Variants in UTRN observed in about 807,000 individuals in gnomAD.
UTRN encodes utrophin.
Under a neutral mutation model 463.9 loss-of-function variants are expected in UTRN, and 283 were observed. The observed-to-expected ratio is 0.61, with a 90% CI of 0.55 to 0.67. The LOEUF (loss-of-function observed/expected upper bound fraction) is 0.67, where lower values mean the gene tolerates loss of function less well. Ranked by LOEUF, UTRN falls within the 30% of genes least tolerant of loss-of-function variation. UTRN has a pLI of 0.00. For synonymous variants in UTRN, 1,442 were observed against 1,431.5 expected (o/e 1.01, Z -0.17); for missense variants, 3,922 against 4,084.3 (o/e 0.96, Z 1.08).
At chr6:144,469,857 C>A (rs990928929) in intron 23 of UTRN, among the ~76,000 whole-genome samples, 4 of 151,926 alleles carry the variant, frequency 2.6e-5, no homozygotes, top group African/African-American at 9.7e-5. Flanking sequence ...CCGCCTTCCG[C>A]AGTGTTTGTG....
Position 144,474,662 on chromosome 6 carries a change from A to G in UTRN, c.3239A>G (p.Glu1080Gly), listed in dbSNP as rs1009779779. 4.3e-6 allele frequency: 7 copies of G among 1,613,938 alleles called. No individual in the cohort carries two copies. The Admixed American group carries it at 5.0e-5, about 12-fold the overall frequency. The change falls in exon 25 of 75, where the codon GAG (glutamate) becomes GGG (glycine). Residue 1080 changes from glutamate (E) to glycine (G), a missense_variant. Glu to Gly is a moderately conservative substitution (Grantham distance 98). Transcript: ENST00000367545. ...TCTCTGAAAAACATGAAGGAAATAG[A>G]GACTAATCTTCGAAGTGGTCCAGTT... ...ESSLKNMKEI[E>G]TNLRSGPVAG...
chr6:144,773,645 T>C (rs1308060906), intron 59 of UTRN, among the ~76,000 whole-genome samples: 1 of 152,236 alleles, frequency 6.6e-6, no homozygotes, highest in East Asian at 1.9e-4. Context: ...GAGTGAGGAA[T>C]GGATGACTGC....
chr6:144,826,696 C>T (rs776838989), intron 66 of UTRN, among the ~76,000 whole-genome samples: 13 of 151,816 alleles, frequency 8.6e-5, no homozygotes, highest in Non-Finnish European at 1.5e-4. Context: ...TTCTAAAAAA[C>T]TTTTTTTTGA....
chr6:144,659,037 CT>C (rs770627647), intron 51 of UTRN, among the ~76,000 whole-genome samples: 1 of 152,210 alleles, frequency 6.6e-6, no homozygotes, highest in East Asian at 1.9e-4. Flanking sequence ...GATCGAAACA[CT>C]TTAAAACTAT....
intron 52 of UTRN, among the ~76,000 whole-genome samples, chr6:144,689,813 G>A (rs1783137071): frequency 6.6e-6 from 1 of 151,970 alleles, no homozygotes; most frequent in South Asian, 2.1e-4. Context: ...GCAGACTCAG[G>A]GCCTCCTGGT....
chr6:144,550,384 A>T (rs1798795972), intron 47 of UTRN, among the ~76,000 whole-genome samples: 2 of 152,284 alleles, frequency 1.3e-5, no homozygotes, highest in African/African-American at 4.8e-5. Flanking sequence ...GACTGTCATT[A>T]GTTCTGTACT....
intron 23 of UTRN, among the ~76,000 whole-genome samples, chr6:144,469,751 G>T (rs1280545728): frequency 6.8e-6 from 1 of 147,606 alleles, no homozygotes. Flanking sequence ...TTCTCGGAGA[G>T]GGGGATTTGG....
At chr6:144,771,321 C>T (rs1465669908) in intron 58 of UTRN, among the ~76,000 whole-genome samples, 3 of 152,122 alleles carry the variant, frequency 2.0e-5, no homozygotes, top group Non-Finnish European at 2.9e-5. Flanking sequence ...GATGAGGTCT[C>T]GCTATGTTGC....
rs762897749 is a variant in UTRN at position 144,548,799 on chromosome 6, A to G, written c.6755A>G (p.Asn2252Ser). The G allele has an allele frequency of 5.6e-6, 9 of 1,613,958 alleles. No homozygotes were observed. The highest frequency in any genetic ancestry group is 1.1e-5 in the South Asian group (1 of 91,082). ...TTAATCGACCAGATGCTGAAGTCCAACATTGTCACTGTTGGGGATGTAGAA... is the reference window on the plus strand; with the variant it reads ...TTAATCGACCAGATGCTGAAGTCCAGCATTGTCACTGTTGGGGATGTAGAA... ...LVLIDQMLKS[N>S]IVTVGDVEEI... Residue 2252 changes from asparagine to serine, a missense_variant, in exon 47 of 75, where the codon AAC (asparagine) becomes AGC (serine). Coordinates refer to ENST00000367545, the MANE Select transcript of UTRN (RefSeq NM_007124.3).
Position 144,736,410 on chromosome 6 carries a change from A to G in UTRN, c.7939+5924A>G, listed in dbSNP as rs555875685. Among the ~76,000 whole-genome samples, 41 of 152,318 alleles carry G rather than the reference A, an allele frequency of 2.7e-4. 1 individual carries two copies. In the South Asian group the frequency reaches 6.8e-3, roughly 25 times the overall value. ...CTCTTTTCTTTTAGGTAACCATTCT[A>G]GAAAACACTTTCCTCCATGATTTTT... On this transcript the variant is annotated intron_variant, in intron 54 of 74. Coordinates refer to ENST00000367545, the MANE Select transcript of UTRN (RefSeq NM_007124.3).
intron 30 of UTRN, 63 bp downstream of exon 30, chr6:144,488,897 C>G: frequency 7.0e-7 from 1 of 1,425,348 alleles, no homozygotes; most frequent in Non-Finnish European, 9.3e-7. Context: ...GCCTCCTCAA[C>G]TATAAGAGAA....
intron 2 of UTRN, among the ~76,000 whole-genome samples, chr6:144,390,332 G>A (rs1048853161): frequency 3.3e-5 from 5 of 152,064 alleles, no homozygotes; most frequent in African/African-American, 1.2e-4. Flanking sequence ...GCTCGCTGAT[G>A]TCTAGCACGG....
At chr6:144,424,404 C>T (rs1196853729) in intron 6 of UTRN, among the ~76,000 whole-genome samples, 1 of 152,156 alleles carries the variant, frequency 6.6e-6, no homozygotes, top group Non-Finnish European at 1.5e-5. Flanking sequence ...GTCAAATTTC[C>T]TCTTTTTGTA....
intron 2 of UTRN, among the ~76,000 whole-genome samples, chr6:144,370,439 G>T (rs1779882473): frequency 6.6e-6 from 1 of 152,218 alleles, no homozygotes; most frequent in Non-Finnish European, 1.5e-5. Flanking sequence ...AAGAATTGAG[G>T]TTTGGGAACC....
chr6:144,309,238 A>G (rs1806028198), intron 2 of UTRN, among the ~76,000 whole-genome samples: 1 of 152,040 alleles, frequency 6.6e-6, no homozygotes, highest in Non-Finnish European at 1.5e-5. Context: ...CTCTGTCCCC[A>G]CTGTTGCCGT....
intron 58 of UTRN, among the ~76,000 whole-genome samples, chr6:144,759,631 G>A (rs1459024239): frequency 6.6e-6 from 1 of 152,098 alleles, no homozygotes. Flanking sequence ...GGATTATCCT[G>A]ATGGGCTTAA....
At chr6:144,449,009 A>C (rs561142519) in intron 17 of UTRN, among the ~76,000 whole-genome samples, 101 of 152,256 alleles carry the variant, frequency 6.6e-4, no homozygotes, top group African/African-American at 2.4e-3. Flanking sequence ...AATTGGGAGA[A>C]CTTTGTGATC....
At chr6:144,558,857 A>T (rs900031914) in intron 50 of UTRN, among the ~76,000 whole-genome samples, 1 of 152,088 alleles carries the variant, frequency 6.6e-6, no homozygotes, top group Non-Finnish European at 1.5e-5. Flanking sequence ...AACAAGTGTT[A>T]TGGGAGTTAT....
chr6:144,593,347 A>G (rs151011914), intron 51 of UTRN, among the ~76,000 whole-genome samples: 225 of 152,304 alleles, frequency 1.5e-3, no homozygotes, highest in Non-Finnish European at 2.5e-3. Context: ...ATTAAACTAA[A>G]AAAATTTGGT....
Sources: allele counts gnomAD v4.1 joint callset (sites outside exome capture counted in the v4.1 genomes callset), GRCh38; gene constraint gnomAD v4.1.1; transcripts MANE v1.5; gene names NCBI Gene and HGNC (gene_info 2026-07-23, HGNC 2026-07-21).